The following GPHN variants were observed in gnomAD, a reference collection of about 807,000 sequenced individuals.
The protein encoded by GPHN is gephyrin.
Under a neutral mutation model 95.5 loss-of-function variants are expected in GPHN, and 17 were observed. That is an observed-to-expected ratio of 0.18 (90% confidence interval 0.12 to 0.27). The LOEUF (loss-of-function observed/expected upper bound fraction) is 0.27, where lower values mean the gene tolerates loss of function less well. Ranked by LOEUF, GPHN falls within the 10% of genes least tolerant of loss-of-function variation. The pLI is 1.00. For missense variants in GPHN, 660 were observed against 978.1 expected, an observed-to-expected ratio of 0.67 and a Z score of 4.34; for synonymous variants, 320 against 322.5, an observed-to-expected ratio of 0.99 and a Z score of 0.08.
At chr14:67,383,300 C>T in the GPHN span, 1 of 1,611,764 alleles carries the variant, frequency 6.2e-7, no homozygotes, top group African/African-American at 1.3e-5. Flanking sequence ...TGAAATTATA[C>T]CTCTGCTTCC....
intron 3 of GPHN, among the ~76,000 whole-genome samples, chr14:66,787,260 A>G (rs1044087874): frequency 2.0e-5 from 3 of 152,194 alleles, no homozygotes; most frequent in Non-Finnish European, 4.4e-5. Flanking sequence ...ATTGTTCAAA[A>G]GAAAATAAAA....
the GPHN span, among the ~76,000 whole-genome samples, chr14:67,725,611 G>C: frequency 6.6e-6 from 1 of 152,126 alleles, no homozygotes; most frequent in Non-Finnish European, 1.5e-5. Flanking sequence ...AGTTCTTCTG[G>C]ATCTTGGAAA....
At chr14:66,635,206 C>T (rs73285916) in intron 1 of GPHN, among the ~76,000 whole-genome samples, 10,830 of 152,168 alleles carry the variant, frequency 0.071, 953 homozygotes, top group African/African-American at 0.2. Flanking sequence ...CAATTGGTAG[C>T]TGCAGTTTTC....
At chr14:66,594,336 C>T (rs1372267820) in intron 1 of GPHN, among the ~76,000 whole-genome samples, 2 of 151,962 alleles carry the variant, frequency 1.3e-5, no homozygotes, top group African/African-American at 4.8e-5. Flanking sequence ...TGTATGACAT[C>T]ACAAACACTT....
chr14:67,117,915 T>C (rs969414593), intron 16 of GPHN, among the ~76,000 whole-genome samples: 2 of 152,074 alleles, frequency 1.3e-5, no homozygotes, highest in South Asian at 4.1e-4. Flanking sequence ...TAACCAATAA[T>C]ATAACTGGTG....
chr14:66,753,234 C>G (rs567368896), intron 2 of GPHN, among the ~76,000 whole-genome samples: 1 of 151,982 alleles, frequency 6.6e-6, no homozygotes, highest in African/African-American at 2.4e-5. Context: ...TATACTTACT[C>G]TCTTGTACAT....
the GPHN span, chr14:67,340,527 A>C: frequency 7.7e-7 from 1 of 1,290,574 alleles, no homozygotes; most frequent in East Asian, 3.2e-5. Context: ...GACTAGAATA[A>C]AAAAAAAAAT....
chr14:67,587,244 C>A, the GPHN span: 4 of 1,613,518 alleles, frequency 2.5e-6, no homozygotes, highest in Non-Finnish European at 3.4e-6. Context: ...GAATATTTCT[C>A]CTACCCGATT....
At chr14:66,637,248 G>T (rs937088514) in intron 1 of GPHN, among the ~76,000 whole-genome samples, 2 of 152,112 alleles carry the variant, frequency 1.3e-5, no homozygotes, top group Admixed American at 6.5e-5. Context: ...CTAATGATAT[G>T]CCTTTGCACT....
At chr14:66,810,895 T>C (rs1391729030) in intron 3 of GPHN, among the ~76,000 whole-genome samples, 1 of 152,200 alleles carries the variant, frequency 6.6e-6, no homozygotes, top group East Asian at 1.9e-4. Context: ...CCCAAACCTA[T>C]TCCTTTTCTG....
the GPHN span, among the ~76,000 whole-genome samples, chr14:67,595,990 C>T: frequency 6.6e-6 from 1 of 152,018 alleles, no homozygotes; most frequent in Non-Finnish European, 1.5e-5. Context: ...GTTAAGGGCT[C>T]AAAAAATGGT....
At chr14:67,395,385 G>A in the GPHN span, 1 of 1,610,594 alleles carries the variant, frequency 6.2e-7, no homozygotes, top group Non-Finnish European at 8.5e-7. Flanking sequence ...ACAGAGCCCG[G>A]CAAGTGGGGC....
intron 1 of GPHN, among the ~76,000 whole-genome samples, chr14:66,568,088 A>G (rs2060534272): frequency 6.6e-6 from 1 of 152,228 alleles, no homozygotes; most frequent in Non-Finnish European, 1.5e-5. Context: ...GCACTGTTAA[A>G]AAATAGGAAG....
the GPHN span, among the ~76,000 whole-genome samples, chr14:67,538,063 T>C: frequency 3.3e-5 from 5 of 152,212 alleles, no homozygotes; most frequent in African/African-American, 7.2e-5. Context: ...GAGGGACTTA[T>C]TGTACTATTC....
At chr14:67,178,009 C>A (rs570827986) in intron 21 of GPHN, among the ~76,000 whole-genome samples, 1 of 152,218 alleles carries the variant, frequency 6.6e-6, no homozygotes, top group South Asian at 2.1e-4. Context: ...TGGGTCTTGA[C>A]TGTCCAATTT....
intron 10 of GPHN, among the ~76,000 whole-genome samples, chr14:67,033,799 T>C (rs1291664782): frequency 6.7e-6 from 1 of 149,698 alleles, no homozygotes; most frequent in African/African-American, 2.5e-5. Flanking sequence ...CTGTCAAAAA[T>C]CAAGGGCAAA....
At chr14:67,538,040 G>T in the GPHN span, among the ~76,000 whole-genome samples, 1 of 152,152 alleles carries the variant, frequency 6.6e-6, no homozygotes, top group Non-Finnish European at 1.5e-5. Flanking sequence ...ATTTTAGCGG[G>T]GTATTGGGGA....
At chr14:66,812,935 GA>G (rs2060819066) in intron 3 of GPHN, among the ~76,000 whole-genome samples, 1 of 152,182 alleles carries the variant, frequency 6.6e-6, no homozygotes, top group Non-Finnish European at 1.5e-5. Context: ...CTACAAGAGA[GA>G]AACTGCACTG....
intron 5 of GPHN, among the ~76,000 whole-genome samples, chr14:66,897,549 G>C (rs909363162): frequency 2.0e-5 from 3 of 151,840 alleles, no homozygotes; most frequent in African/African-American, 7.3e-5. Flanking sequence ...TCAATATTTT[G>C]CCATTTCAAG....
Sources: gnomAD v4.1 joint callset for allele counts (sites outside exome capture counted in the v4.1 genomes callset) on GRCh38, gnomAD v4.1.1 for gene constraint, MANE v1.5 for transcripts, NCBI Gene and HGNC (gene_info 2026-07-23, HGNC 2026-07-21) for gene names.